Variants in ESR1 observed in about 807,000 individuals in gnomAD.
ESR1 encodes estrogen receptor 1.
A neutral mutation model predicts 52.7 loss-of-function variants in ESR1; 12 were observed. The observed-to-expected ratio is 0.23, with a 90% CI of 0.15 to 0.37. ESR1 has a LOEUF of 0.37. ESR1 is among the 10% of genes least tolerant of loss of function. The pLI is 1.00. For missense variants in ESR1, 584 were observed against 779.7 expected, an observed-to-expected ratio of 0.75 and a Z score of 2.99; for synonymous variants, 305 against 316.8, an observed-to-expected ratio of 0.96 and a Z score of 0.39.
chr6:151,954,485 A>G (rs1298431549), intron 4 of ESR1, among the ~76,000 whole-genome samples: 1 of 152,224 alleles, frequency 6.6e-6, no homozygotes, highest in Non-Finnish European at 1.5e-5. Flanking sequence ...TTTAGGGGGA[A>G]TTAAAGTTTC....
At chr6:151,709,140 G>T (rs1286516170) in intron 2 of ESR1, among the ~76,000 whole-genome samples, 1 of 151,160 alleles carries the variant, frequency 6.6e-6, no homozygotes, top group African/African-American at 2.4e-5. Context: ...CCCTCTGCCC[G>T]ACACTGCCCC....
chr6:151,936,991 G>A (rs1249461270), intron 3 of ESR1, among the ~76,000 whole-genome samples: 1 of 152,070 alleles, frequency 6.6e-6, no homozygotes, highest in African/African-American at 2.4e-5. Flanking sequence ...ACAAGAGGAG[G>A]CATAGAAAAA....
At chr6:152,057,369 T>A (rs2128945419) in intron 5 of ESR1, among the ~76,000 whole-genome samples, 1 of 152,282 alleles carries the variant, frequency 6.6e-6, no homozygotes. Context: ...AAGTACATAA[T>A]TTTTATTTAT....
intron 5 of ESR1, among the ~76,000 whole-genome samples, chr6:152,025,031 C>T (rs2044018388): frequency 7.1e-6 from 1 of 141,218 alleles, no homozygotes; most frequent in African/African-American, 2.9e-5. Context: ...AAAATAGTAG[C>T]AGTCATAGGC....
chr6:151,924,923 A>G (rs2032407637), intron 3 of ESR1, among the ~76,000 whole-genome samples: 1 of 152,050 alleles, frequency 6.6e-6, no homozygotes, highest in African/African-American at 2.4e-5. Context: ...ATGAACCTAC[A>G]TGTGCATGTG....
chr6:151,831,589 C>A (rs569806680), intron 1 of ESR1, among the ~76,000 whole-genome samples: 2 of 152,266 alleles, frequency 1.3e-5, no homozygotes, highest in African/African-American at 4.8e-5. Context: ...CTTCCAGGAG[C>A]CCAGGCTCTG....
At chr6:152,083,341 C>A (rs2049401812) in intron 6 of ESR1, among the ~76,000 whole-genome samples, 1 of 152,114 alleles carries the variant, frequency 6.6e-6, no homozygotes, top group Non-Finnish European at 1.5e-5. Context: ...CTTTGACAAA[C>A]CTGACAAAAA....
At chr6:151,956,379 G>A (rs1443938324) in intron 4 of ESR1, among the ~76,000 whole-genome samples, 1 of 152,200 alleles carries the variant, frequency 6.6e-6, no homozygotes, top group Non-Finnish European at 1.5e-5. Flanking sequence ...GTTATTTCAT[G>A]AGGAATATGA....
At chr6:151,867,414 TACACAC>T (rs34943625) in intron 2 of ESR1, among the ~76,000 whole-genome samples, 8 of 147,562 alleles carry the variant, frequency 5.4e-5, no homozygotes, top group Middle Eastern at 3.5e-3. Context: ...TCAACAAATT[TACACAC>T]ACACACACAC....
intron 6 of ESR1, among the ~76,000 whole-genome samples, chr6:152,123,429 T>A (rs1051576773): frequency 1.3e-5 from 2 of 152,196 alleles, no homozygotes; most frequent in African/African-American, 4.8e-5. Context: ...TACAGCCCCT[T>A]CTACACTCAA....
At chr6:152,029,938 A>C (rs1424887411) in intron 5 of ESR1, among the ~76,000 whole-genome samples, 1 of 152,246 alleles carries the variant, frequency 6.6e-6, no homozygotes, top group Non-Finnish European at 1.5e-5. Flanking sequence ...CTAACAGCGG[A>C]TCTCTTGGCA....
chr6:151,998,736 C>T (rs540519493), intron 4 of ESR1, among the ~76,000 whole-genome samples: 5 of 152,170 alleles, frequency 3.3e-5, no homozygotes, highest in African/African-American at 9.6e-5. Context: ...TTTGGTTACC[C>T]TTCAAGTATT....
intron 1 of ESR1, among the ~76,000 whole-genome samples, chr6:151,833,071 G>A (rs1305647155): frequency 6.6e-6 from 1 of 152,208 alleles, no homozygotes; most frequent in East Asian, 1.9e-4. Context: ...TACCTGAGAA[G>A]GGGTAATTGT....
intron 6 of ESR1, among the ~76,000 whole-genome samples, chr6:152,075,341 T>G (rs2048655845): frequency 6.6e-6 from 1 of 152,230 alleles, no homozygotes; most frequent in South Asian, 2.1e-4. Context: ...CTTAAGGCCC[T>G]TTTAAGATTT....
intron 1 of ESR1, among the ~76,000 whole-genome samples, chr6:151,666,705 T>C (rs1278968289): frequency 3.2e-5 from 3 of 92,582 alleles, no homozygotes; most frequent in African/African-American, 1.3e-4. Context: ...CCCCTCCTCC[T>C]CCTCCTCCTC....
At chr6:151,889,689 C>G (rs1794415105) in intron 3 of ESR1, among the ~76,000 whole-genome samples, 1 of 152,014 alleles carries the variant, frequency 6.6e-6, no homozygotes, top group African/African-American at 2.4e-5. Context: ...TTTCTTCCTT[C>G]TACTAACTTG....
intron 2 of ESR1, among the ~76,000 whole-genome samples, chr6:151,725,211 A>G (rs1781750828): frequency 6.6e-6 from 1 of 152,068 alleles, no homozygotes; most frequent in African/African-American, 2.4e-5. Context: ...TATTCCCCCC[A>G]GGGCGGTTTA....
At chr6:151,874,097 T>C (rs1321262726) in intron 2 of ESR1, among the ~76,000 whole-genome samples, 1 of 152,236 alleles carries the variant, frequency 6.6e-6, no homozygotes, top group African/African-American at 2.4e-5. Context: ...GAATTCATTT[T>C]TCTTTTAGAA....
rs144735079 is a variant in ESR1, at chr6:151,860,775, T to C, written c.643+17988T>C. On this transcript the variant is annotated intron_variant, in intron 2 of 7. Transcript: ENST00000206249. ...GCCAAGTATTTTGCATGATTTACAA[T>C]TGACTGTATAAATGTAGCATAGCCA... Among the ~76,000 whole-genome samples, 967 of 152,290 alleles carry C rather than the reference T, an allele frequency of 6.3e-3. 3 individuals are homozygous for C. The highest frequency in any genetic ancestry group is 0.02 in the Middle Eastern group (6 of 294).
Sources: gnomAD v4.1 joint callset for allele counts (sites outside exome capture counted in the v4.1 genomes callset) on GRCh38, gnomAD v4.1.1 for gene constraint, MANE v1.5 for transcripts, NCBI Gene and HGNC (gene_info 2026-07-23, HGNC 2026-07-21) for gene names.